FOXO1: variants seen among roughly 807,000 people sequenced by gnomAD.
The protein encoded by FOXO1 is forkhead box O1.
A neutral mutation model predicts 44.1 loss-of-function variants in FOXO1; 6 were observed. That is an observed-to-expected ratio of 0.14 (90% confidence interval 0.07 to 0.27). The LOEUF is 0.27. FOXO1 is among the 10% of genes least tolerant of loss of function. FOXO1 has a pLI of 1.00. For missense variants in FOXO1, 737 were observed against 888.8 expected, an observed-to-expected ratio of 0.83 and a Z score of 2.17; for synonymous variants, 380 against 362.7, an observed-to-expected ratio of 1.05 and a Z score of -0.54.
At chr13:40,643,845 C>T (rs536654146) in intron 1 of FOXO1, among the ~76,000 whole-genome samples, 1 of 152,178 alleles carries the variant, frequency 6.6e-6, no homozygotes, top group Non-Finnish European at 1.5e-5. Context: ...CAGCTCCTTC[C>T]TTTGAGCACC....
At chr13:40,658,718 AG>A (rs1205463808) in intron 1 of FOXO1, among the ~76,000 whole-genome samples, 1 of 152,218 alleles carries the variant, frequency 6.6e-6, no homozygotes, top group Non-Finnish European at 1.5e-5. Context: ...AGCTAAGAAA[AG>A]GAAGACGTGG....
chr13:40,656,942 C>T lies in FOXO1; in HGVS notation c.630+8641G>A, dbSNP rs750571142. Among the ~76,000 whole-genome samples, 8 of 151,790 alleles carry T rather than the reference C, an allele frequency of 5.3e-5. 1 individual carries two copies. Among genetic ancestry groups the T allele is most frequent in the Admixed American group, 2.6e-4 (4 of 15,242 alleles). Reference sequence around the variant, plus strand: ...GCCTCCTGGATTCACACCATTCTCCCGCCTCAGCCTCCCGAGTAGCTGTGA... The same window carrying T: ...GCCTCCTGGATTCACACCATTCTCCTGCCTCAGCCTCCCGAGTAGCTGTGA... On this transcript the variant is annotated intron_variant, in intron 1 of 2. Coordinates refer to ENST00000379561, the MANE Select transcript of FOXO1 (RefSeq NM_002015.4).
intron 1 of FOXO1, among the ~76,000 whole-genome samples, chr13:40,609,647 G>C (rs969846599): frequency 2.0e-5 from 3 of 152,098 alleles, no homozygotes; most frequent in African/African-American, 7.2e-5. Context: ...GAATAGCACT[G>C]TCTTCAAGGA....
At chr13:40,594,643 G>C (rs766725914) in intron 1 of FOXO1, among the ~76,000 whole-genome samples, 3 of 152,108 alleles carry the variant, frequency 2.0e-5, no homozygotes, top group African/African-American at 2.4e-5. Context: ...AGGGAGCGAG[G>C]GTTCTGGATA....
intron 1 of FOXO1, among the ~76,000 whole-genome samples, chr13:40,626,832 T>C (rs1446012664): frequency 6.6e-6 from 1 of 152,220 alleles, no homozygotes; most frequent in Non-Finnish European, 1.5e-5. Flanking sequence ...TCTAAAGCTA[T>C]GAACAAGTAC....
At chr13:40,568,273 T>C (rs1874347995) in intron 1 of FOXO1, among the ~76,000 whole-genome samples, 1 of 152,196 alleles carries the variant, frequency 6.6e-6, no homozygotes, top group South Asian at 2.1e-4. Context: ...TCTTTCAAAA[T>C]GCTAGACAAA....
intron 1 of FOXO1, among the ~76,000 whole-genome samples, chr13:40,580,740 G>A (rs576500757): frequency 3.8e-4 from 58 of 152,248 alleles, no homozygotes; most frequent in Non-Finnish European, 7.6e-4. Context: ...AAAACACATA[G>A]AGGACACTTG....
chr13:40,584,519 G>A (rs912985614), intron 1 of FOXO1, among the ~76,000 whole-genome samples: 6 of 137,986 alleles, frequency 4.3e-5, no homozygotes, highest in African/African-American at 1.3e-4. Flanking sequence ...GCAGTGGCAC[G>A]TGTCTATAGT....
At position 40,556,040 on chromosome 13, in the gene FOXO1, A is replaced by G. The variant is rs1412743034; in HGVS notation, c.*3009T>C. On this transcript the variant is annotated 3_prime_UTR_variant, in exon 3 of 3. Transcript: ENST00000379561. Reference sequence around the variant, plus strand: ...GGTCTGTTCGCATAAACCACAATACATTTTTTTTAATGAATGATTATTCCC... The same window carrying G: ...GGTCTGTTCGCATAAACCACAATACGTTTTTTTTAATGAATGATTATTCCC... 1 of 152,074 alleles carries G rather than the reference A, an allele frequency of 6.6e-6. No individual in the cohort carries two copies. The highest frequency in any genetic ancestry group is 2.4e-5 in the African/African-American group (1 of 41,404). The allele number at this position is 152,074 out of a possible 1,614,324, so 9.4% of individuals were successfully genotyped here.
chr13:40,573,499 A>G (rs1242964722), intron 1 of FOXO1, among the ~76,000 whole-genome samples: 1 of 152,194 alleles, frequency 6.6e-6, no homozygotes, highest in Non-Finnish European at 1.5e-5. Context: ...GAAAAAAGGG[A>G]TCCCTGAACC....
chr13:40,574,271 T>C (rs1215878897), intron 1 of FOXO1, among the ~76,000 whole-genome samples: 2 of 152,212 alleles, frequency 1.3e-5, no homozygotes, highest in Non-Finnish European at 2.9e-5. Context: ...AACTACGAAG[T>C]TGCCAATATG....
At chr13:40,653,597 T>G (rs1274784562) in intron 1 of FOXO1, among the ~76,000 whole-genome samples, 1 of 152,162 alleles carries the variant, frequency 6.6e-6, no homozygotes, top group African/African-American at 2.4e-5. Context: ...CAAACTGGTT[T>G]CCCTCTTCCT....
chr13:40,660,174 G>T (rs907866811), intron 1 of FOXO1, among the ~76,000 whole-genome samples: 3 of 152,154 alleles, frequency 2.0e-5, no homozygotes, highest in Non-Finnish European at 2.9e-5. Context: ...GAGATCCTGG[G>T]GGGGCTGGGC....
intron 1 of FOXO1, chr13:40,618,972 C>A: frequency 1.9e-6 from 1 of 523,360 alleles, no homozygotes; most frequent in Non-Finnish European, 3.8e-6. Flanking sequence ...AAACAACTAG[C>A]ATCTCAGCCT....
At chr13:40,578,905 C>T (rs909221101) in intron 1 of FOXO1, among the ~76,000 whole-genome samples, 4 of 152,196 alleles carry the variant, frequency 2.6e-5, no homozygotes, top group African/African-American at 9.7e-5. Flanking sequence ...TTTGCCCGCG[C>T]TTCTTGACAG....
rs1489369583 is a variant in FOXO1 at position 40,557,782 on chromosome 13, G to A, written c.*1267C>T. On this transcript the variant is annotated 3_prime_UTR_variant, in exon 3 of 3. Coordinates refer to ENST00000379561, the MANE Select transcript of FOXO1 (RefSeq NM_002015.4). Reference sequence around the variant, plus strand: ...ATGGTGAAGTGGATCAAAATCCCTCGTTTGACAAAGGACCATTGCTTTAGA... The same window carrying A: ...ATGGTGAAGTGGATCAAAATCCCTCATTTGACAAAGGACCATTGCTTTAGA... The A allele has an allele frequency of 1.3e-5, 2 of 152,266 alleles. No individual in the cohort carries two copies. The highest frequency in any genetic ancestry group is 3.4e-3 in the Middle Eastern group (1 of 294). 9.4% of individuals were successfully genotyped at this position (152,266 alleles called of 1,614,324 possible). A position where few individuals can be genotyped will look rare whatever the true frequency, so the allele number is the denominator to read the frequency against.
intron 1 of FOXO1, among the ~76,000 whole-genome samples, chr13:40,568,999 A>G (rs1386399353): frequency 2.0e-5 from 3 of 152,188 alleles, no homozygotes; most frequent in African/African-American, 7.2e-5. Context: ...AAGTACCAAG[A>G]ACATGCAATA....
chr13:40,623,013 C>T (rs1472377705), intron 1 of FOXO1, among the ~76,000 whole-genome samples: 3 of 152,042 alleles, frequency 2.0e-5, no homozygotes, highest in Non-Finnish European at 4.4e-5. Context: ...ACTTATACAG[C>T]CAAATTCTCA....
intron 1 of FOXO1, among the ~76,000 whole-genome samples, chr13:40,600,333 G>A (rs936517667): frequency 6.6e-6 from 1 of 152,182 alleles, no homozygotes; most frequent in Non-Finnish European, 1.5e-5. Context: ...GTGTGTCAAG[G>A]TGACAGGCTG....
Sources: gnomAD v4.1 joint callset for allele counts (sites outside exome capture counted in the v4.1 genomes callset) on GRCh38, gnomAD v4.1.1 for gene constraint, MANE v1.5 for transcripts, NCBI Gene and HGNC (gene_info 2026-07-23, HGNC 2026-07-21) for gene names.